Variants in P3H2 observed in about 807,000 individuals in gnomAD.
P3H2 encodes prolyl 3-hydroxylase 2.
A neutral mutation model predicts 87.0 loss-of-function variants in P3H2; 80 were observed. The ratio of observed to expected loss-of-function variants is 0.92; its 90% CI spans 0.77 to 1.11. The LOEUF is 1.11. Ranked by LOEUF, P3H2 falls within the 50% of genes least tolerant of loss-of-function variation. The pLI is 0.00. For synonymous variants in P3H2, 367 were observed against 359.3 expected, an observed-to-expected ratio of 1.02 and a Z score of -0.24; for missense variants, 1,001 against 923.9, an observed-to-expected ratio of 1.08 and a Z score of -1.08.
upstream of P3H2, among the ~76,000 whole-genome samples, chr3:190,121,962 C>T (rs531215577): frequency 4.9e-4 from 74 of 151,716 alleles, no homozygotes; most frequent in African/African-American, 1.7e-3. Context: ...CGTGGTGGCA[C>T]GTGCCTGCAG....
Position 190,014,348 on chromosome 3 carries a change from G to A in P3H2, c.481-18906C>T, listed in dbSNP as rs1342621888. On this transcript the variant is annotated intron_variant, in intron 1 of 14. Coordinates refer to ENST00000319332, the MANE Select transcript of P3H2 (RefSeq NM_018192.4). ...ATAGGTGATCCACAGGTATGGCTAC[G>A]TGAGAAGCATATCATTTAGGAGAGA... Among the ~76,000 whole-genome samples, 7 of 152,338 alleles carry A rather than the reference G, an allele frequency of 4.6e-5. No homozygotes were observed. The East Asian group carries it at 1.2e-3, about 25-fold the overall frequency.
intron 1 of P3H2, among the ~76,000 whole-genome samples, chr3:190,031,758 G>A (rs1033758549): frequency 6.7e-5 from 10 of 149,522 alleles, no homozygotes; most frequent in African/African-American, 2.5e-4. Flanking sequence ...AAAAAATGCA[G>A]ATTGGTAACA....
chr3:189,963,550 T>G (rs1722878810), intron 14 of P3H2: 1 of 218,112 alleles, frequency 4.6e-6, no homozygotes, highest in Admixed American at 5.1e-5. Context: ...GTTCAAGCGA[T>G]TCTCCTGCCT....
chr3:190,042,847 C>G (rs1290162714), intron 1 of P3H2, among the ~76,000 whole-genome samples: 2 of 152,010 alleles, frequency 1.3e-5, no homozygotes, highest in Non-Finnish European at 2.9e-5. Flanking sequence ...ACTGTTGAGC[C>G]CTTAACATTT....
chr3:190,049,520 C>T lies in P3H2; in HGVS notation c.481-54078G>A, dbSNP rs138705936. ...TTGTTGATATGTGACAAATACATTT[C>T]GCTTTCATGACATCTCTATGGAAAA... On this transcript the variant is annotated intron_variant, in intron 1 of 14. Coordinates refer to ENST00000319332, the MANE Select transcript of P3H2 (RefSeq NM_018192.4). 3.0e-3 allele frequency among the ~76,000 whole-genome samples: 454 copies of T among 152,292 alleles called. 1 individual carries two copies. Among genetic ancestry groups the T allele is most frequent in the Non-Finnish European group, 4.1e-3 (280 of 68,028 alleles).
At position 189,966,119 on chromosome 3, in the gene P3H2, AAGAAAAAGAAAGAAAG is replaced by A. The variant is rs1207939549; in HGVS notation, c.1894-2037_1894-2022del. 5.4e-4 allele frequency among the ~76,000 whole-genome samples: 55 copies of A among 101,560 alleles called. 1 individual carries two copies. The East Asian group carries it at 5.5e-3, about 10-fold the overall frequency. The allele number at this position is 101,560 out of a possible 152,430, so 66.6% of individuals were successfully genotyped here. A position where few individuals can be genotyped will look rare whatever the true frequency, so the allele number is the denominator to read the frequency against. On this transcript the variant is annotated intron_variant, in intron 13 of 14. Transcript: ENST00000319332. The stretch of plus-strand genomic sequence containing the variant: ...GAAAGAAAGAAAAAAGAAAGAAAGA[AAGAAAAAGAAAGAAAG>A]AAAGAAAGAAAGAAAGAAAGAAAGA...
chr3:189,981,433 C>T (rs1297654510), intron 8 of P3H2, among the ~76,000 whole-genome samples: 2 of 152,178 alleles, frequency 1.3e-5, no homozygotes, highest in Non-Finnish European at 2.9e-5. Flanking sequence ...ACCTCACACA[C>T]ATCTGGCCAC....
At chr3:189,981,669 G>C (rs114767212) in intron 8 of P3H2, among the ~76,000 whole-genome samples, 234 of 152,260 alleles carry the variant, frequency 1.5e-3, no homozygotes, top group African/African-American at 5.6e-3. Context: ...CTTCTAGTCA[G>C]TTGCTGGACA....
At chr3:189,961,160 C>T (rs1460020848) in intron 14 of P3H2, among the ~76,000 whole-genome samples, 3 of 152,042 alleles carry the variant, frequency 2.0e-5, no homozygotes, top group African/African-American at 4.8e-5. Flanking sequence ...AGGCTGGTTT[C>T]GAACCCCTGA....
intron 1 of P3H2, among the ~76,000 whole-genome samples, chr3:190,101,368 CAAAAAAAAA>C (rs34737545): frequency 2.5e-4 from 6 of 23,954 alleles, no homozygotes; most frequent in African/African-American, 5.1e-4. Context: ...ATCATGAACG[CAAAAAAAAA>C]AAAAAAAAAA....
intron 1 of P3H2, among the ~76,000 whole-genome samples, chr3:189,997,984 A>G (rs1724100883): frequency 6.6e-6 from 1 of 152,220 alleles, no homozygotes; most frequent in African/African-American, 2.4e-5. Flanking sequence ...AAAAATGCTC[A>G]AAAGAACTAT....
intron 8 of P3H2, among the ~76,000 whole-genome samples, chr3:189,978,839 A>G (rs1164755931): frequency 6.6e-6 from 1 of 152,210 alleles, no homozygotes; most frequent in African/African-American, 2.4e-5. Flanking sequence ...ATGTAGTCCA[A>G]TAAATTGTGG....
intron 1 of P3H2, among the ~76,000 whole-genome samples, chr3:190,047,815 T>C (rs1414750607): frequency 6.6e-6 from 1 of 152,134 alleles, no homozygotes. Flanking sequence ...CATTGGTTAA[T>C]GGGTATAAAA....
At chr3:190,012,793 C>T (rs1301847156) in intron 1 of P3H2, among the ~76,000 whole-genome samples, 4 of 152,192 alleles carry the variant, frequency 2.6e-5, no homozygotes, top group African/African-American at 9.6e-5. Context: ...CCCCCAGTGG[C>T]TCTCTGGGGG....
chr3:190,032,709 G>C (rs1725292093), intron 1 of P3H2, among the ~76,000 whole-genome samples: 1 of 152,096 alleles, frequency 6.6e-6, no homozygotes, highest in South Asian at 2.1e-4. Flanking sequence ...GTCACCCTAT[G>C]ACAGAGTCAC....
At chr3:190,010,279 T>C (rs749339596) in intron 1 of P3H2, among the ~76,000 whole-genome samples, 22 of 152,288 alleles carry the variant, frequency 1.4e-4, no homozygotes, top group Non-Finnish European at 2.9e-4. Context: ...GTTGCCACTA[T>C]TATTAAACAT....
At chr3:190,039,681 C>G (rs922302591) in intron 1 of P3H2, among the ~76,000 whole-genome samples, 1 of 152,178 alleles carries the variant, frequency 6.6e-6, no homozygotes, top group African/African-American at 2.4e-5. Flanking sequence ...CCCACAAACT[C>G]TTAAGTAATA....
intron 1 of P3H2, among the ~76,000 whole-genome samples, chr3:190,017,480 T>C (rs1300442941): frequency 2.6e-5 from 4 of 152,208 alleles, no homozygotes; most frequent in Non-Finnish European, 5.9e-5. Flanking sequence ...AGTAACAGCG[T>C]GGTAAATATA....
At chr3:189,992,506 T>C (rs1225811792) in intron 3 of P3H2, among the ~76,000 whole-genome samples, 1 of 152,174 alleles carries the variant, frequency 6.6e-6, no homozygotes, top group Non-Finnish European at 1.5e-5. Flanking sequence ...TTTTCATATA[T>C]GGGTAACTCA....
Sources: allele counts gnomAD v4.1 joint callset (sites outside exome capture counted in the v4.1 genomes callset), GRCh38; gene constraint gnomAD v4.1.1; transcripts MANE v1.5; gene names NCBI Gene and HGNC (gene_info 2026-07-23, HGNC 2026-07-21).